The following GALNT9 variants were observed in gnomAD, a reference collection of about 807,000 sequenced individuals.
The protein encoded by GALNT9 is polypeptide N-acetylgalactosaminyltransferase 9, also known as GalNAc transferase 9.
GALNT9 carries 47 observed loss-of-function variants against 63.1 expected under a neutral mutation model. The observed-to-expected ratio is 0.75, with a 90% CI of 0.59 to 0.95. The LOEUF (loss-of-function observed/expected upper bound fraction) is 0.95. GALNT9 is among the 40% of genes least tolerant of loss of function. The pLI is 0.00. For synonymous variants in GALNT9, 396 were observed against 365.7 expected, an observed-to-expected ratio of 1.08 and a Z score of -0.94; for missense variants, 829 against 874.8, an observed-to-expected ratio of 0.95 and a Z score of 0.66.
At chr12:132,253,458 C>T (rs983812280) in intron 5 of GALNT9, among the ~76,000 whole-genome samples, 4 of 151,342 alleles carry the variant, frequency 2.6e-5, no homozygotes, top group Admixed American at 6.6e-5. Flanking sequence ...TCACCTCTTG[C>T]CTTCTAGGTC....
At chr12:132,280,291 G>A (rs545670110) in intron 2 of GALNT9, 7 of 152,346 alleles carry the variant, frequency 4.6e-5, no homozygotes, top group South Asian at 2.1e-4. Context: ...AAGGGGTTTC[G>A]TTTTGGAGGA....
chr12:132,240,677 C>T (rs1232803925), intron 6 of GALNT9: 1 of 455,880 alleles, frequency 2.2e-6, no homozygotes, highest in Non-Finnish European at 4.4e-6. Context: ...GTTTTTCTTC[C>T]TCTTTTATTC....
chr12:132,323,921 G>T (rs1234726810), intron 1 of GALNT9, among the ~76,000 whole-genome samples: 1 of 152,044 alleles, frequency 6.6e-6, no homozygotes, highest in African/African-American at 2.4e-5. Flanking sequence ...GGGCGCTGCA[G>T]CTGTCTTCCC....
chr12:132,267,829 TCACA>T (rs1330214908), intron 2 of GALNT9, among the ~76,000 whole-genome samples: 1 of 57,432 alleles, frequency 1.7e-5, no homozygotes, highest in East Asian at 5.3e-4. Context: ...ACACATGCAG[TCACA>T]CACATGCATA....
intron 6 of GALNT9, among the ~76,000 whole-genome samples, chr12:132,207,612 G>A (rs1044453602): frequency 2.0e-5 from 3 of 152,278 alleles, no homozygotes; most frequent in East Asian, 1.9e-4. Context: ...TAGAAGGACC[G>A]AAGCTACGGG....
chr12:132,208,941 G>A (rs753053656), intron 6 of GALNT9, among the ~76,000 whole-genome samples: 1 of 152,186 alleles, frequency 6.6e-6, no homozygotes, highest in Non-Finnish European at 1.5e-5. Flanking sequence ...GACAATCCGA[G>A]TTGATACCCC....
chr12:132,284,173 ACACACGCACACCCACGCATGTGTGTG>A (rs1402209920), intron 2 of GALNT9: 2 of 149,680 alleles, frequency 1.3e-5, no homozygotes, highest in African/African-American at 2.5e-5. Context: ...ACGTATACAC[ACACACGCACACCCACGCATGTGTGTG>A]CACACGTGCA....
intron 5 of GALNT9, among the ~76,000 whole-genome samples, chr12:132,248,749 T>C (rs962178624): frequency 2.3e-4 from 35 of 152,230 alleles, no homozygotes; most frequent in Non-Finnish European, 5.9e-5. Flanking sequence ...ATACTTCCTG[T>C]AATAATTCTA....
At chr12:132,214,436 AC>A (rs991628581) in intron 6 of GALNT9, among the ~76,000 whole-genome samples, 3 of 151,874 alleles carry the variant, frequency 2.0e-5, no homozygotes, top group East Asian at 3.9e-4. Flanking sequence ...GCTAGTGAGC[AC>A]CCCCCCAGCG....
At chr12:132,324,109 C>A (rs1173609107) in intron 1 of GALNT9, among the ~76,000 whole-genome samples, 1 of 152,252 alleles carries the variant, frequency 6.6e-6, no homozygotes, top group Non-Finnish European at 1.5e-5. Context: ...GGAAACCGCA[C>A]TTCCTAGCAA....
chr12:132,240,456 A>G, intron 6 of GALNT9: 1 of 369,570 alleles, frequency 2.7e-6, no homozygotes, highest in Non-Finnish European at 5.3e-6. Flanking sequence ...ACCAGCCCTC[A>G]GAACGGAGCA....
chr12:132,250,493 A>G (rs1555238442), intron 5 of GALNT9, among the ~76,000 whole-genome samples: 1 of 152,232 alleles, frequency 6.6e-6, no homozygotes, highest in Admixed American at 6.5e-5. Context: ...CCCTGATAAC[A>G]AGAAAAGCCA....
rs1358428452 is a variant in GALNT9 at position 132,327,239 on chromosome 12, G to A, written c.238+1727C>T. On this transcript the variant is annotated intron_variant, in intron 1 of 10. Coordinates refer to ENST00000328957, the MANE Select transcript of GALNT9 (RefSeq NM_001122636.2). The surrounding 1 kb of genome is among the most constrained non-coding windows in gnomAD (Gnocchi z 4.3). ...GAGGGAAGCGAAGAGGAAGAAGGGA[G>A]GGGACAGAGGACAGGAGGAAGCGGG... Among the ~76,000 whole-genome samples the A allele has an allele frequency of 6.6e-6, 1 of 151,582 alleles. No individual in the cohort carries two copies. Among genetic ancestry groups the A allele is most frequent in the Admixed American group, 6.6e-5 (1 of 15,228 alleles).
At chr12:132,219,407 C>T (rs1203543820) in intron 6 of GALNT9, among the ~76,000 whole-genome samples, 1 of 152,196 alleles carries the variant, frequency 6.6e-6, no homozygotes, top group African/African-American at 2.4e-5. Context: ...TCATGAGGAG[C>T]AGAAGCCGGC....
intron 2 of GALNT9, among the ~76,000 whole-genome samples, chr12:132,263,912 C>T (rs1166794062): frequency 3.3e-5 from 5 of 152,282 alleles, no homozygotes; most frequent in South Asian, 2.1e-4. Flanking sequence ...GGTCAGGAGG[C>T]GTCTCGGGCC....
intron 6 of GALNT9, among the ~76,000 whole-genome samples, chr12:132,226,136 AC>A (rs1321661497): frequency 1.1e-4 from 16 of 144,088 alleles, no homozygotes; most frequent in East Asian, 6.4e-4. Context: ...CCCACACTGT[AC>A]ATACACACCC....
chr12:132,203,935 G>C (rs117187231), intron 6 of GALNT9, among the ~76,000 whole-genome samples: 1 of 152,046 alleles, frequency 6.6e-6, no homozygotes, highest in Non-Finnish European at 1.5e-5. Context: ...TGCGTTACAC[G>C]ATGGCTGTGG....
At chr12:132,304,758 C>G (rs1417998490) in intron 1 of GALNT9, among the ~76,000 whole-genome samples, 1 of 55,526 alleles carries the variant, frequency 1.8e-5, no homozygotes, top group Non-Finnish European at 3.3e-5. Flanking sequence ...CAGCCTCGCC[C>G]GGGCACACCC....
intron 10 of GALNT9, among the ~76,000 whole-genome samples, chr12:132,197,590 T>G (rs1199744505): frequency 6.7e-6 from 1 of 148,874 alleles, no homozygotes; most frequent in Non-Finnish European, 1.5e-5. Context: ...TCTCTGGCTG[T>G]GTGACCCTGA....
Sources: gnomAD v4.1 joint callset for allele counts (sites outside exome capture counted in the v4.1 genomes callset) on GRCh38, gnomAD v4.1.1 for gene constraint, Gnocchi (gnomAD v3.1) non-coding constraint, MANE v1.5 for transcripts, NCBI Gene and HGNC (gene_info 2026-07-23, HGNC 2026-07-21) for gene names.